The following ZNF227 variants were observed in gnomAD, a reference collection of about 807,000 sequenced individuals.
The protein encoded by ZNF227 is zinc finger protein 227.
ZNF227 carries 12 observed loss-of-function variants against 13.2 expected under a neutral mutation model. The observed-to-expected ratio is 0.91, with a 90% CI of 0.58 to 1.47. The LOEUF (loss-of-function observed/expected upper bound fraction) is 1.47, where lower values mean the gene tolerates loss of function less well. Ranked by LOEUF, ZNF227 falls within the 40% of genes most tolerant of loss-of-function variation. The pLI is 0.00. For missense variants in ZNF227, 885 were observed against 967.5 expected (o/e 0.91, Z 1.13); for synonymous variants, 338 against 326.0 (o/e 1.04, Z -0.40).
rs1568618045 is a variant in ZNF227 at position 44,235,587 on chromosome 19, G to A, written c.1157G>A (p.Gly386Asp). Residue 386 changes from glycine to aspartate, a missense_variant, in exon 6 of 6, where the codon GGT becomes GAT. Physicochemically the swap from Gly to Asp is moderately conservative, Grantham distance 94. Transcript: ENST00000313040. Reference protein sequence around the residue: ...EEKPYKCEECGKGFGWSVNLR... With the variant: ...EEKPYKCEECDKGFGWSVNLR... Reference sequence around the variant, plus strand: ...AAACCATACAAATGCGAAGAGTGTGGTAAGGGCTTCGGTTGGAGTGTTAAT... The same window carrying A: ...AAACCATACAAATGCGAAGAGTGTGATAAGGGCTTCGGTTGGAGTGTTAAT... 1.2e-6 allele frequency: 2 copies of A among 1,614,180 alleles called. No individual in the cohort carries two copies. Among genetic ancestry groups the A allele is most frequent in the African/African-American group, 1.3e-5 (1 of 75,036 alleles).
intron 3 of ZNF227, among the ~76,000 whole-genome samples, chr19:44,221,052 A>G (rs1354254648): frequency 2.0e-5 from 3 of 151,878 alleles, no homozygotes; most frequent in Admixed American, 1.3e-4. Context: ...AATCCAGTCT[A>G]TCATTGTTGG....
Position 44,236,095 on chromosome 19 carries a change from G to T in ZNF227, c.1665G>T (p.Lys555Asn), listed in dbSNP as rs1282657384. The change falls in exon 6 of 6, where the codon AAG becomes AAT. Residue 555 changes from lysine to asparagine, a missense_variant. Physicochemically the swap from Lys to Asn is moderately conservative, Grantham distance 94. Transcript: ENST00000313040. ...CATATAGATGTGATGTGTGTGGTAA[G>T]GACTTCAGTTATAGTTCAAATCTTA... is the stretch of plus-strand genomic sequence containing the variant. ...EKPYRCDVCG[K>N]DFSYSSNLKL... 6.2e-7 allele frequency: 1 copy of T among 1,613,938 alleles called. No homozygotes were observed. Among genetic ancestry groups the T allele is most frequent in the Non-Finnish European group, 8.5e-7 (1 of 1,179,984 alleles).
chr19:44,235,582 G>T lies in ZNF227; in HGVS notation c.1152G>T (p.Glu384Asp). Residue 384 changes from glutamate (E) to aspartate (D), a missense_variant, in exon 6 of 6, where the codon GAG becomes GAT. Coordinates refer to ENST00000313040, the MANE Select transcript of ZNF227 (RefSeq NM_182490.3). Reference sequence around the variant, plus strand: ...AAGAAAAACCATACAAATGCGAAGAGTGTGGTAAGGGCTTCGGTTGGAGTG... The same window carrying T: ...AAGAAAAACCATACAAATGCGAAGATTGTGGTAAGGGCTTCGGTTGGAGTG... ...HTEEKPYKCE[E>D]CGKGFGWSVN... 6.2e-7 allele frequency: 1 copy of T among 1,614,172 alleles called. No homozygotes were observed. Among genetic ancestry groups the T allele is most frequent in the East Asian group, 2.2e-5 (1 of 44,884 alleles).
At chr19:44,222,693 A>G (rs1301153801) in intron 3 of ZNF227, among the ~76,000 whole-genome samples, 4 of 147,868 alleles carry the variant, frequency 2.7e-5, no homozygotes, top group South Asian at 2.1e-4. Flanking sequence ...TAGATATACA[A>G]TCATGTCATC....
At chr19:44,234,290 T>C (rs1974174000) in intron 5 of ZNF227, among the ~76,000 whole-genome samples, 1 of 152,216 alleles carries the variant, frequency 6.6e-6, no homozygotes, top group Non-Finnish European at 1.5e-5. Context: ...ATGCCTACAG[T>C]CTGAACTTTT....
intron 3 of ZNF227, among the ~76,000 whole-genome samples, chr19:44,220,433 C>T (rs1343936510): frequency 6.6e-6 from 1 of 151,868 alleles, no homozygotes; most frequent in Non-Finnish European, 1.5e-5. Context: ...ACATCCTCTC[C>T]AGCACCTGTT....
At chr19:44,216,965 T>G (rs908262742) in intron 2 of ZNF227, among the ~76,000 whole-genome samples, 197 of 146,156 alleles carry the variant, frequency 1.3e-3, no homozygotes, top group African/African-American at 4.6e-3. Context: ...CTTGTTTTTT[T>G]TTTTTTTTTT....
intron 3 of ZNF227, 174 bp from the exon 4 acceptor site, chr19:44,228,272 T>C (rs1973393407): frequency 1.6e-6 from 1 of 617,004 alleles, no homozygotes; most frequent in South Asian, 2.9e-5. Flanking sequence ...ACAGGCTTTA[T>C]GGGGATGAGC....
At chr19:44,224,915 C>T (rs1428214733) in intron 3 of ZNF227, among the ~76,000 whole-genome samples, 3 of 152,134 alleles carry the variant, frequency 2.0e-5, no homozygotes, top group Non-Finnish European at 4.4e-5. Context: ...CTGGTTGTTC[C>T]TTTCCATGTT....
Position 44,227,647 on chromosome 19 carries a change from G to T in ZNF227, c.61-799G>T, listed in dbSNP as rs1307459922. Reference sequence around the variant, plus strand: ...GCTCACTGCACCGTCAAACTCCTGGGCTGAAGTGATCCTTCTGTGTCAGGC... The same window carrying T: ...GCTCACTGCACCGTCAAACTCCTGGTCTGAAGTGATCCTTCTGTGTCAGGC... On this transcript the variant is annotated intron_variant, in intron 3 of 5. Coordinates refer to ENST00000313040, the MANE Select transcript of ZNF227 (RefSeq NM_182490.3). 3.3e-5 allele frequency among the ~76,000 whole-genome samples: 5 copies of T among 152,348 alleles called. No individual in the cohort carries two copies. In the East Asian group the frequency reaches 9.6e-4, roughly 29 times the overall value.
intron 3 of ZNF227, among the ~76,000 whole-genome samples, chr19:44,223,233 G>T (rs1207584950): frequency 6.6e-6 from 1 of 152,024 alleles, no homozygotes; most frequent in African/African-American, 2.4e-5. Context: ...CTCTTTTTTG[G>T]TTGTGTCTCT....
chr19:44,229,638 A>T, intron 4 of ZNF227, 95 bp from the exon 5 acceptor site: 1 of 584,960 alleles, frequency 1.7e-6, no homozygotes, highest in Non-Finnish European at 2.6e-6. Flanking sequence ...ATAATAAAAT[A>T]TCACTATAGA....
intron 3 of ZNF227, among the ~76,000 whole-genome samples, chr19:44,223,702 T>G (rs1972795895): frequency 6.6e-6 from 1 of 152,154 alleles, no homozygotes; most frequent in South Asian, 2.1e-4. Context: ...TTGTTGATCT[T>G]TTCAAAAAAC....
intron 2 of ZNF227, among the ~76,000 whole-genome samples, chr19:44,216,543 T>C (rs536501574): frequency 5.0e-4 from 76 of 152,344 alleles, no homozygotes; most frequent in African/African-American, 1.8e-3. Context: ...CTTTTACCAA[T>C]TGTGTGAAAT....
At chr19:44,228,928 G>A (rs994534224) in intron 4 of ZNF227, 18 of 330,044 alleles carry the variant, frequency 5.5e-5, no homozygotes, top group Non-Finnish European at 9.2e-5. Context: ...CAGAGAATTG[G>A]CCAGTCCAAA....
At chr19:44,233,964 A>G (rs575271332) in intron 5 of ZNF227, among the ~76,000 whole-genome samples, 78 of 152,252 alleles carry the variant, frequency 5.1e-4, no homozygotes, top group African/African-American at 1.7e-3. Flanking sequence ...AAGGCATCAC[A>G]GATAAAGTAA....
Position 44,222,827 on chromosome 19 carries a change from C to T in ZNF227, c.60+4975C>T, listed in dbSNP as rs1481226719. Among the ~76,000 whole-genome samples the T allele has an allele frequency of 2.7e-3, 403 of 150,964 alleles. 3 individuals carry two copies. The highest frequency in any genetic ancestry group is 4.1e-3 in the Non-Finnish European group (280 of 67,634). On this transcript the variant is annotated intron_variant, in intron 3 of 5. Coordinates refer to ENST00000313040, the MANE Select transcript of ZNF227 (RefSeq NM_182490.3). ...TGAATAGGAGTGGTGAGAGAGGGCA[C>T]CCCTGTCTTGTGCCAGTTTTCAAAG... is the stretch of plus-strand genomic sequence containing the variant.
At chr19:44,232,819 T>C (rs182732077) in intron 5 of ZNF227, among the ~76,000 whole-genome samples, 76 of 152,148 alleles carry the variant, frequency 5.0e-4, no homozygotes, top group African/African-American at 1.7e-3. Context: ...CCTGCCACCA[T>C]GCCAGGCTAA....
intron 3 of ZNF227, among the ~76,000 whole-genome samples, chr19:44,222,187 C>T (rs2122753877): frequency 6.6e-6 from 1 of 151,946 alleles, no homozygotes; most frequent in East Asian, 1.9e-4. Context: ...AGTTTGAAGT[C>T]AGGTAGCATG....
Sources: gnomAD v4.1 joint callset for allele counts (sites outside exome capture counted in the v4.1 genomes callset) on GRCh38, gnomAD v4.1.1 for gene constraint, MANE v1.5 for transcripts, NCBI Gene and HGNC (gene_info 2026-07-23, HGNC 2026-07-21) for gene names.